The following SORCS2 variants were observed in gnomAD, a reference collection of about 807,000 sequenced individuals.
SORCS2 encodes the protein sortilin related VPS10 domain containing receptor 2.
SORCS2 carries 100 observed loss-of-function variants against 141.6 expected under a neutral mutation model. That is an observed-to-expected ratio of 0.71 (90% confidence interval 0.60 to 0.83). The LOEUF is 0.83. SORCS2 is among the 40% of genes least tolerant of loss of function. The pLI is 0.00. For missense variants in SORCS2, 1,646 were observed against 1,560.2 expected, an observed-to-expected ratio of 1.05 and a Z score of -0.93; for synonymous variants, 789 against 676.9, an observed-to-expected ratio of 1.17 and a Z score of -2.57.
In SORCS2 at chr4:7,656,290, G is replaced by A. The variant is rs145942584; in HGVS notation, c.887+2083G>A. Among the ~76,000 whole-genome samples, 482 of 152,258 alleles carry A rather than the reference G, an allele frequency of 3.2e-3. 1 individual carries two copies. Among genetic ancestry groups the A allele is most frequent in the African/African-American group, 0.01 (425 of 41,548 alleles). ...TACCTGCTGCCTCCTGGGCAGGGCC[G>A]CGGGTACCCGCCCCCCACCCTGCCC... On this transcript the variant is annotated intron_variant, in intron 5 of 26. Transcript: ENST00000507866.
chr4:7,421,355 G>C (rs1689795744), intron 2 of SORCS2, among the ~76,000 whole-genome samples: 1 of 152,208 alleles, frequency 6.6e-6, no homozygotes, highest in Non-Finnish European at 1.5e-5. Flanking sequence ...TGATAGATCT[G>C]AGTTCCAGTC....
chr4:7,482,773 C>CACT (rs1730730136), intron 2 of SORCS2, among the ~76,000 whole-genome samples: 3 of 146,262 alleles, frequency 2.1e-5, no homozygotes, highest in East Asian at 2.0e-4. Flanking sequence ...CCTGTATCCC[C>CACT]GCTGCGGACA....
intron 1 of SORCS2, among the ~76,000 whole-genome samples, chr4:7,321,935 C>T (rs1262918093): frequency 6.6e-6 from 1 of 152,096 alleles, no homozygotes; most frequent in East Asian, 1.9e-4. Flanking sequence ...GGGGAGTTGG[C>T]GTGGCTTGGT....
intron 1 of SORCS2, among the ~76,000 whole-genome samples, chr4:7,240,584 G>T (rs1712628471): frequency 6.6e-6 from 1 of 152,198 alleles, no homozygotes; most frequent in African/African-American, 2.4e-5. Flanking sequence ...CTGCCCTGAG[G>T]CCCAGCCGCC....
chr4:7,678,041 T>C (rs1229272716), intron 9 of SORCS2, among the ~76,000 whole-genome samples: 3 of 152,162 alleles, frequency 2.0e-5, no homozygotes, highest in African/African-American at 7.2e-5. Flanking sequence ...CACCACCGCA[T>C]GCCATGCTCT....
chr4:7,193,314 G>A lies in SORCS2; in HGVS notation c.480+188G>A, dbSNP rs957377258. Among the ~76,000 whole-genome samples the A allele has an allele frequency of 6.6e-5, 10 of 152,302 alleles. No homozygotes were observed. Among genetic ancestry groups the A allele is most frequent in the Non-Finnish European group, 1.3e-4 (9 of 68,024 alleles). ...TCTGGTCACTGGTTACTTGGGGAGA[G>A]GTCCTCAGATTCGTACGCTTGTCTC... On this transcript the variant is annotated intron_variant, in intron 1 of 26. Transcript: ENST00000507866. This position sits in a 1 kb window ranked among gnomAD's most constrained non-coding sequence, Gnocchi z 4.8.
chr4:7,737,817 C>T (rs1470775860), intron 26 of SORCS2, among the ~76,000 whole-genome samples: 3 of 152,210 alleles, frequency 2.0e-5, no homozygotes, highest in Non-Finnish European at 4.4e-5. Context: ...GTCAGGGTCT[C>T]TCATGAGGCT....
chr4:7,640,102 GGT>G (rs1478731921), intron 4 of SORCS2, among the ~76,000 whole-genome samples: 1 of 151,478 alleles, frequency 6.6e-6, no homozygotes, highest in Non-Finnish European at 1.5e-5. Context: ...TGTGCTTGTA[GGT>G]GTGTGTAAGA....
chr4:7,437,378 G>C (rs1727379836), intron 2 of SORCS2, among the ~76,000 whole-genome samples: 1 of 152,160 alleles, frequency 6.6e-6, no homozygotes, highest in Non-Finnish European at 1.5e-5. Flanking sequence ...ACACCCTCTG[G>C]GTGTGCCACC....
chr4:7,402,662 C>T (rs949399031), intron 2 of SORCS2, among the ~76,000 whole-genome samples: 1 of 152,158 alleles, frequency 6.6e-6, no homozygotes, highest in Non-Finnish European at 1.5e-5. Context: ...GATGTGTGCA[C>T]AACTTTCTTT....
chr4:7,561,139 G>A (rs1430989858), intron 3 of SORCS2, among the ~76,000 whole-genome samples: 1 of 152,188 alleles, frequency 6.6e-6, no homozygotes, highest in Non-Finnish European at 1.5e-5. Flanking sequence ...TGGGTGTCTA[G>A]AGTCCTACTC....
chr4:7,247,309 T>TC (rs1392384786), intron 1 of SORCS2, among the ~76,000 whole-genome samples: 2 of 152,186 alleles, frequency 1.3e-5, no homozygotes, highest in East Asian at 3.8e-4. Context: ...CTTTAATTTT[T>TC]TTTTTTTTGC....
chr4:7,458,568 C>T (rs1307924529), intron 2 of SORCS2, among the ~76,000 whole-genome samples: 1 of 152,228 alleles, frequency 6.6e-6, no homozygotes, highest in Non-Finnish European at 1.5e-5. Context: ...AAACTTCCTG[C>T]TGCTTAAAAC....
intron 2 of SORCS2, among the ~76,000 whole-genome samples, chr4:7,444,424 T>G (rs1237155988): frequency 1.3e-5 from 2 of 152,030 alleles, no homozygotes; most frequent in African/African-American, 2.4e-5. Context: ...CAACAAAACA[T>G]TTGAGTGTAA....
At chr4:7,564,218 G>A (rs568530025) in intron 3 of SORCS2, among the ~76,000 whole-genome samples, 2 of 152,288 alleles carry the variant, frequency 1.3e-5, no homozygotes, top group South Asian at 4.1e-4. Context: ...GAGGCCATTT[G>A]TCCCTCTATG....
At chr4:7,394,897 G>A (rs1724107482) in intron 1 of SORCS2, among the ~76,000 whole-genome samples, 1 of 152,184 alleles carries the variant, frequency 6.6e-6, no homozygotes, top group Admixed American at 6.5e-5. Context: ...AACAGACTTT[G>A]AGGTCCCTTC....
rs1007194902 is a variant in SORCS2 at position 7,720,530 on chromosome 4, T to C, written c.2424+2347T>C. 3.3e-5 allele frequency among the ~76,000 whole-genome samples: 5 copies of C among 152,222 alleles called. No homozygotes were observed. In the East Asian group the frequency reaches 9.6e-4, roughly 29 times the overall value. ...TGGGCTTCATCAGGATCAGCCACTTTCGCTCTGTGAAACACCCATGTTAAG... is the reference window on the plus strand; with the variant it reads ...TGGGCTTCATCAGGATCAGCCACTTCCGCTCTGTGAAACACCCATGTTAAG... On this transcript the variant is annotated intron_variant, in intron 18 of 26. Transcript: ENST00000507866.
intron 12 of SORCS2, among the ~76,000 whole-genome samples, chr4:7,701,328 T>C (rs775626045): frequency 5.3e-5 from 8 of 152,090 alleles, no homozygotes; most frequent in Non-Finnish European, 1.0e-4. Context: ...TCACCCTCCA[T>C]CATTTTTCAT....
intron 1 of SORCS2, among the ~76,000 whole-genome samples, chr4:7,298,965 T>C (rs1336899672): frequency 1.3e-5 from 2 of 152,248 alleles, no homozygotes; most frequent in Non-Finnish European, 2.9e-5. Flanking sequence ...TGACCCAGCA[T>C]CGCAGAGTTG....
Sources: gnomAD v4.1 joint callset for allele counts (sites outside exome capture counted in the v4.1 genomes callset) on GRCh38, gnomAD v4.1.1 for gene constraint, Gnocchi (gnomAD v3.1) non-coding constraint, MANE v1.5 for transcripts, NCBI Gene and HGNC (gene_info 2026-07-23, HGNC 2026-07-21) for gene names.